Variants in KIAA1549 observed in about 807,000 individuals in gnomAD.
KIAA1549 encodes the protein UPF0606 protein KIAA1549.
In KIAA1549, 70 loss-of-function variants were observed where a neutral mutation model predicts 156.4. The ratio of observed to expected loss-of-function variants is 0.45; its 90% CI spans 0.37 to 0.55. KIAA1549 has a LOEUF of 0.55. Among genes scored for constraint, KIAA1549 ranks in the 20% least tolerant of loss-of-function variants. The pLI, the probability that KIAA1549 is intolerant of heterozygous loss-of-function variation, is 0.00. For synonymous variants in KIAA1549, 1,103 were observed against 1,066.4 expected (o/e 1.03, Z -0.67); for missense variants, 2,428 against 2,540.9 (o/e 0.96, Z 0.96).
chr7:138,897,892 CAAAAAAA>C (rs59242488), intron 9 of KIAA1549, among the ~76,000 whole-genome samples: 8 of 27,498 alleles, frequency 2.9e-4, no homozygotes, highest in East Asian at 1.7e-3. Context: ...GACCCTTTCT[CAAAAAAA>C]AAAAAAAAAA....
intron 16 of KIAA1549, among the ~76,000 whole-genome samples, chr7:138,860,051 CAA>C (rs1810529458): frequency 1.3e-5 from 2 of 152,352 alleles, no homozygotes; most frequent in East Asian, 3.9e-4. Context: ...AATGAATAAG[CAA>C]ATGAGAAAAC....
In KIAA1549 at chr7:138,918,916, C is replaced by A. The variant is rs112263100; in HGVS notation, c.710G>T (p.Arg237Leu). ...SHFHTFRSAFRTSEGIVPTPG... is the reference protein window; with the variant it reads ...SHFHTFRSAFLTSEGIVPTPG... ...AGTTGGAACGATGCCCTCAGAGGTG[C>A]GAAAAGCTGACCGAAAGGTGTGGAA... Residue 237 changes from arginine (R) to leucine (L), a missense_variant, in exon 2 of 20, where the codon CGC (arginine) becomes CTC (leucine). This residue lies in a region of KIAA1549 where 893 missense variants were observed against 847.9 expected (regional missense o/e 1.05). Coordinates refer to ENST00000422774, the MANE Select transcript of KIAA1549 (RefSeq NM_001164665.2). The surrounding 1 kb of genome is among the most constrained non-coding windows in gnomAD (Gnocchi z 4.2). 662 of 1,613,974 alleles carry A rather than the reference C, an allele frequency of 4.1e-4. 5 individuals are homozygous for A. In the African/African-American group the frequency reaches 7.9e-3, roughly 19 times the overall value.
chr7:138,877,198 T>C (rs1811110552), intron 12 of KIAA1549, among the ~76,000 whole-genome samples: 1 of 152,178 alleles, frequency 6.6e-6, no homozygotes, highest in Non-Finnish European at 1.5e-5. Flanking sequence ...TATTTTTATG[T>C]GAATTATAAA....
At chr7:138,954,914 G>A (rs74565049) in intron 1 of KIAA1549, among the ~76,000 whole-genome samples, 6,342 of 152,196 alleles carry the variant, frequency 0.042, 437 homozygotes, top group African/African-American at 0.15. Context: ...TGAGGATAAG[G>A]GGGACAGGGA....
chr7:138,858,489 G>C (rs1301765622), intron 16 of KIAA1549, among the ~76,000 whole-genome samples: 1 of 151,992 alleles, frequency 6.6e-6, no homozygotes, highest in African/African-American at 2.4e-5. Context: ...TTACCTTATT[G>C]AATGCTGCAT....
In KIAA1549 at chr7:138,918,150, T is replaced by C; in HGVS notation, c.1476A>G (p.Pro492=). The C allele has an allele frequency of 2.5e-6, 4 of 1,613,936 alleles. No individual in the cohort carries two copies. The highest frequency in any genetic ancestry group is 3.4e-6 in the Non-Finnish European group (4 of 1,179,854). ...AGATTTCCATGGATCTAGAAGAAAG[T>C]GGGACGATAGGTCTGGAGGGGAAAA... is the stretch of plus-strand genomic sequence containing the variant. The part of the protein sequence containing the change: ...NTLFPSRPIV[P]LSSRSMEISE... The change falls in exon 2 of 20, where the codon CCA becomes CCG. Residue 492 remains proline (P), a synonymous_variant. Coordinates refer to ENST00000422774, the MANE Select transcript of KIAA1549 (RefSeq NM_001164665.2). The surrounding 1 kb of genome is among the most constrained non-coding windows in gnomAD (Gnocchi z 4.2).
At chr7:138,902,172 C>T (rs1354983065) in intron 8 of KIAA1549, among the ~76,000 whole-genome samples, 2 of 152,112 alleles carry the variant, frequency 1.3e-5, no homozygotes, top group Non-Finnish European at 2.9e-5. Flanking sequence ...CTGCATCTGG[C>T]AAAGGAACTA....
chr7:138,861,582 G>C, intron 15 of KIAA1549, 126 bp from the exon 16 acceptor site: 1 of 798,522 alleles, frequency 1.3e-6, no homozygotes, highest in South Asian at 1.6e-5. Context: ...GCTGTGCACA[G>C]TGGCTCACAC....
chr7:138,948,694 CTTT>C (rs11325172), intron 1 of KIAA1549, among the ~76,000 whole-genome samples: 13 of 138,178 alleles, frequency 9.4e-5, no homozygotes, highest in African/African-American at 1.3e-4. Flanking sequence ...TGTTTTGTGG[CTTT>C]TTTTTTTTTT....
intron 15 of KIAA1549, among the ~76,000 whole-genome samples, chr7:138,862,536 G>C (rs926503730): frequency 2.0e-5 from 3 of 147,160 alleles, no homozygotes; most frequent in East Asian, 3.9e-4. Context: ...AAAAAAAAAA[G>C]CCTACGTATG....
chr7:138,839,474 A>C (rs1202569737), intron 19 of KIAA1549, among the ~76,000 whole-genome samples: 1 of 152,252 alleles, frequency 6.6e-6, no homozygotes, highest in Non-Finnish European at 1.5e-5. Flanking sequence ...ACACATGGTC[A>C]TAATACAAAT....
intron 1 of KIAA1549, among the ~76,000 whole-genome samples, chr7:138,970,921 A>G (rs1281585513): frequency 8.6e-6 from 1 of 116,528 alleles, no homozygotes; most frequent in Non-Finnish European, 1.8e-5. Context: ...TAAGTGATGA[A>G]GGGTTCCTTC....
At chr7:138,875,763 T>C (rs1407243351) in intron 12 of KIAA1549, among the ~76,000 whole-genome samples, 1 of 152,136 alleles carries the variant, frequency 6.6e-6, no homozygotes, top group Non-Finnish European at 1.5e-5. Flanking sequence ...TAAAGAAATA[T>C]TATTTCATTA....
At chr7:138,942,373 A>G (rs1011027365) in intron 1 of KIAA1549, among the ~76,000 whole-genome samples, 2 of 151,758 alleles carry the variant, frequency 1.3e-5, no homozygotes, top group Non-Finnish European at 2.9e-5. Context: ...TTTAAACAAC[A>G]TGTAAAAGAG....
At position 138,906,770 on chromosome 7, in the gene KIAA1549, C is replaced by A. The variant is rs1584746089; in HGVS notation, c.3460+149G>T. ...ACCACTAAATAACTTACTCGTGCAA[C>A]CAAATACCACCTGTACCCCAACGCC... On this transcript the variant is annotated intron_variant, in intron 6 of 19. Transcript: ENST00000422774. 3 of 569,432 alleles carry A rather than the reference C, an allele frequency of 5.3e-6. No individual in the cohort carries two copies. In the East Asian group the frequency reaches 9.2e-5, roughly 18 times the overall value. 35.3% of individuals were successfully genotyped at this position (569,432 alleles called of 1,614,324 possible). A position where few individuals can be genotyped will look rare whatever the true frequency, so the allele number is the denominator to read the frequency against.
intron 6 of KIAA1549, among the ~76,000 whole-genome samples, chr7:138,906,531 T>C (rs1215330412): frequency 6.6e-6 from 1 of 152,224 alleles, no homozygotes; most frequent in African/African-American, 2.4e-5. Context: ...TCTTTTACTA[T>C]TATTCTAAGT....
chr7:138,924,403 A>T (rs1347481470), intron 1 of KIAA1549, among the ~76,000 whole-genome samples: 1 of 152,144 alleles, frequency 6.6e-6, no homozygotes, highest in Non-Finnish European at 1.5e-5. Flanking sequence ...ATTCCCTTTT[A>T]AAAAAAATCA....
At chr7:138,882,615 T>C (rs555656322) in intron 10 of KIAA1549, among the ~76,000 whole-genome samples, 1 of 152,198 alleles carries the variant, frequency 6.6e-6, no homozygotes, top group South Asian at 2.1e-4. Flanking sequence ...GATAAAGTGT[T>C]GGAGAACATC....
At chr7:138,882,250 A>T (rs1811266163) in intron 10 of KIAA1549, among the ~76,000 whole-genome samples, 1 of 152,240 alleles carries the variant, frequency 6.6e-6, no homozygotes, top group African/African-American at 2.4e-5. Context: ...TTAGCAGTGA[A>T]CATGGGAAGG....
Sources: allele counts gnomAD v4.1 joint callset (sites outside exome capture counted in the v4.1 genomes callset), GRCh38; gene constraint gnomAD v4.1.1; regional missense constraint gnomAD v4.1.1; non-coding constraint Gnocchi (gnomAD v3.1); transcripts MANE v1.5; gene names NCBI Gene and HGNC (gene_info 2026-07-23, HGNC 2026-07-21).